AGMO: variants seen among roughly 807,000 people sequenced by gnomAD.
AGMO encodes glyceryl-ether monooxygenase.
AGMO carries 75 observed loss-of-function variants against 60.2 expected under a neutral mutation model. The ratio of observed to expected loss-of-function variants is 1.25; its 90% CI spans 1.03 to 1.51. The LOEUF (loss-of-function observed/expected upper bound fraction) is 1.51, where lower values mean the gene tolerates loss of function less well. Among genes scored for constraint, AGMO ranks in the 40% most tolerant of loss-of-function variants. The pLI is 0.00. For missense variants in AGMO, 763 were observed against 525.5 expected, an observed-to-expected ratio of 1.45 and a Z score of -4.42; for synonymous variants, 261 against 177.1, an observed-to-expected ratio of 1.47 and a Z score of -3.76.
At chr7:15,478,855 G>A (rs1782668345) in intron 3 of AGMO, among the ~76,000 whole-genome samples, 2 of 152,024 alleles carry the variant, frequency 1.3e-5, no homozygotes, top group African/African-American at 4.8e-5. Flanking sequence ...ATTGTATATT[G>A]AAAAATATAC....
chr7:15,526,648 A>G (rs1031762380), intron 3 of AGMO, among the ~76,000 whole-genome samples: 4 of 152,144 alleles, frequency 2.6e-5, no homozygotes, highest in Non-Finnish European at 5.9e-5. Flanking sequence ...GAATAAACCT[A>G]TTTTAAATAT....
intron 4 of AGMO, 85 bp downstream of exon 4, chr7:15,430,920 T>TTTTTTTG (rs1781218028): frequency 3.3e-6 from 2 of 614,804 alleles, no homozygotes; most frequent in African/African-American, 4.3e-5. Flanking sequence ...TTCTATTAGT[T>TTTTTTTG]TTTTTTTTTT....
intron 5 of AGMO, among the ~76,000 whole-genome samples, chr7:15,399,310 T>C (rs541672802): frequency 6.6e-6 from 1 of 152,170 alleles, no homozygotes; most frequent in Non-Finnish European, 1.5e-5. Flanking sequence ...ACAATTTCTA[T>C]TATATACTGA....
the AGMO span, among the ~76,000 whole-genome samples, chr7:15,120,244 A>T: frequency 6.6e-6 from 1 of 151,996 alleles, no homozygotes; most frequent in Admixed American, 6.6e-5. Context: ...TCACCACTCC[A>T]CTAAAAATGC....
intron 12 of AGMO, among the ~76,000 whole-genome samples, chr7:15,247,523 G>C (rs183471730): frequency 6.8e-6 from 1 of 146,640 alleles, no homozygotes; most frequent in East Asian, 2.0e-4. Flanking sequence ...TTACACATAT[G>C]AATAGCCACT....
intron 12 of AGMO, among the ~76,000 whole-genome samples, chr7:15,264,365 T>C (rs1330667528): frequency 6.6e-6 from 1 of 151,880 alleles, no homozygotes. Flanking sequence ...AAAACCAAAG[T>C]AATGGACAAC....
chr7:15,529,390 T>C (rs926601608), intron 3 of AGMO, among the ~76,000 whole-genome samples: 5 of 149,818 alleles, frequency 3.3e-5, no homozygotes, highest in South Asian at 4.2e-4. Flanking sequence ...GTAGACACTA[T>C]TATTTAATTT....
intron 12 of AGMO, among the ~76,000 whole-genome samples, chr7:15,217,647 G>C (rs987702901): frequency 1.3e-5 from 2 of 151,774 alleles, no homozygotes; most frequent in Non-Finnish European, 2.9e-5. Flanking sequence ...AAAATCCAAT[G>C]AACTGGCAAA....
chr7:15,487,485 G>C (rs993952331), intron 3 of AGMO, among the ~76,000 whole-genome samples: 1 of 151,926 alleles, frequency 6.6e-6, no homozygotes, highest in African/African-American at 2.4e-5. Flanking sequence ...TAATCATTTT[G>C]GTATCAAATC....
chr7:15,517,095 T>A (rs1783830480), intron 3 of AGMO, among the ~76,000 whole-genome samples: 1 of 152,076 alleles, frequency 6.6e-6, no homozygotes, highest in African/African-American at 2.4e-5. Flanking sequence ...ATGTTAAATT[T>A]TTCAACTCAT....
In AGMO at chr7:15,418,669, A is replaced by T. The variant is rs573435174; in HGVS notation, c.514-16T>A. 1.1e-3 allele frequency: 1,531 copies of T among 1,427,094 alleles called. 4 individuals are homozygous for T. Among genetic ancestry groups the T allele is most frequent in the Admixed American group, 1.6e-3 (69 of 43,738 alleles). The allele number at this position is 1,427,094 out of a possible 1,614,324, so 88.4% of individuals were successfully genotyped here. The stretch of plus-strand genomic sequence containing the variant: ...AGTAGAAAATCTGAAAGAAAAAATT[A>T]AAAAAAAATTAATTTGCATATATGA... On this transcript the variant is annotated splice_polypyrimidine_tract_variant and intron_variant, in intron 4 of 12. Transcript: ENST00000342526.
rs182830426 is a variant in AGMO at position 15,229,085 on chromosome 7, A to C, written c.1264-27726T>G. Among the ~76,000 whole-genome samples, 12 of 152,170 alleles carry C rather than the reference A, an allele frequency of 7.9e-5. No individual in the cohort carries two copies. In the East Asian group the frequency reaches 2.3e-3, roughly 29 times the overall value. ...CCTTTACTTCCATATGGCTGCCTAC[A>C]CTTTAGGTAATGCTCCCTGCCTCCA... On this transcript the variant is annotated intron_variant, in intron 12 of 12. Transcript: ENST00000342526.
intron 12 of AGMO, among the ~76,000 whole-genome samples, chr7:15,236,476 C>T (rs1273125189): frequency 2.0e-5 from 3 of 152,090 alleles, no homozygotes. Context: ...AGATAAAGAA[C>T]TCTGTCTTGA....
At chr7:15,468,254 T>C (rs1349101589) in intron 3 of AGMO, among the ~76,000 whole-genome samples, 1 of 152,164 alleles carries the variant, frequency 6.6e-6, no homozygotes, top group Non-Finnish European at 1.5e-5. Flanking sequence ...TAAGTGAGAA[T>C]TGCTTTTGTT....
chr7:15,383,435 A>G (rs575792790), intron 10 of AGMO, among the ~76,000 whole-genome samples: 6 of 152,264 alleles, frequency 3.9e-5, no homozygotes, highest in African/African-American at 9.6e-5. Context: ...CAATAAAAAA[A>G]AGTCCCACCT....
In AGMO at chr7:15,412,684, TAAAAA is replaced by T. The variant is rs765917941; in HGVS notation, c.609+5869_609+5873del. ...TAAACACCTCCAGCATTTCATTATT[TAAAAA>T]AAAAAAAAAAAAAAAAAAGACAAGG... On this transcript the variant is annotated intron_variant, in intron 5 of 12. Transcript: ENST00000342526. 6.7e-4 allele frequency among the ~76,000 whole-genome samples: 75 copies of T among 111,362 alleles called. 1 individual carries two copies. The highest frequency in any genetic ancestry group is 2.6e-3 in the African/African-American group (74 of 28,368). The allele number at this position is 111,362 out of a possible 152,430, so 73.1% of individuals were successfully genotyped here.
At chr7:15,361,770 G>C (rs1364633144) in intron 12 of AGMO, among the ~76,000 whole-genome samples, 2 of 151,904 alleles carry the variant, frequency 1.3e-5, no homozygotes, top group Non-Finnish European at 2.9e-5. Flanking sequence ...CCAGAAAGAG[G>C]ATAACTATAA....
At position 15,555,970 on chromosome 7, in the gene AGMO, A is replaced by C. The variant is rs896321768; in HGVS notation, c.257+4171T>G. Reference sequence around the variant, plus strand: ...CTAAGTTAATACATTTAGTATTAATAATAAAGTACTATTATTAACGTTACA... The same window carrying C: ...CTAAGTTAATACATTTAGTATTAATCATAAAGTACTATTATTAACGTTACA... On this transcript the variant is annotated intron_variant, in intron 2 of 12. Transcript: ENST00000342526. 3.0e-4 allele frequency among the ~76,000 whole-genome samples: 46 copies of C among 152,088 alleles called. 1 individual carries two copies. Among genetic ancestry groups the C allele is most frequent in the African/African-American group, 1.1e-3 (45 of 41,552 alleles).
intron 12 of AGMO, among the ~76,000 whole-genome samples, chr7:15,365,101 T>C (rs765015869): frequency 6.6e-6 from 1 of 151,972 alleles, no homozygotes; most frequent in Non-Finnish European, 1.5e-5. Context: ...TGATTACTTT[T>C]TACAGGTAAT....
Sources: gnomAD v4.1 joint callset for allele counts (sites outside exome capture counted in the v4.1 genomes callset) on GRCh38, gnomAD v4.1.1 for gene constraint, MANE v1.5 for transcripts, NCBI Gene and HGNC (gene_info 2026-07-23, HGNC 2026-07-21) for gene names.